SPDYE3: variants seen among roughly 807,000 people sequenced by gnomAD.
The protein encoded by SPDYE3 is speedy protein E3.
A neutral mutation model predicts 55.0 loss-of-function variants in SPDYE3; 15 were observed. The ratio of observed to expected loss-of-function variants is 0.27; its 90% confidence interval spans 0.18 to 0.42. The LOEUF (loss-of-function observed/expected upper bound fraction) is 0.42, where lower values mean the gene tolerates loss of function less well. Ranked by LOEUF, SPDYE3 falls within the 10% of genes least tolerant of loss-of-function variation. SPDYE3 has a pLI of 1.00. For synonymous variants in SPDYE3, 89 were observed against 229.9 expected, an observed-to-expected ratio of 0.39 and a Z score of 5.55; for missense variants, 236 against 576.7, an observed-to-expected ratio of 0.41 and a Z score of 6.05.
Position 100,319,733 on chromosome 7 carries a change from G to T in SPDYE3, c.1515G>T (p.Leu505Phe). 6.2e-7 allele frequency: 1 copy of T among 1,614,200 alleles called. No homozygotes were observed. Among genetic ancestry groups the T allele is most frequent in the East Asian group, 2.2e-5 (1 of 44,882 alleles). ...RARKNCSQIA[L>F]FQKRRFQFFC... ...GGAAGAACTGCTCTCAGATAGCCTT[G>T]TTCCAGAAGCGTCGGTTCCAGTTCT... is the stretch of plus-strand genomic sequence containing the variant. The change falls in exon 9 of 11, where the codon TTG (leucine) becomes TTT (phenylalanine). Residue 505 changes from leucine (L) to phenylalanine (F), a missense_variant. Leu to Phe is a conservative substitution (Grantham distance 22). Transcript: ENST00000332397.
At chr7:100,316,538 T>C (rs1347855452) in intron 7 of SPDYE3, among the ~76,000 whole-genome samples, 1 of 152,166 alleles carries the variant, frequency 6.6e-6, no homozygotes, top group African/African-American at 2.4e-5. Flanking sequence ...TCCTCCTGTC[T>C]CCACCTCTCA....
intron 2 of SPDYE3, among the ~76,000 whole-genome samples, chr7:100,310,024 A>G (rs1805922245): frequency 7.2e-6 from 1 of 138,360 alleles, no homozygotes; most frequent in South Asian, 2.3e-4. Context: ...GGAATCCGGG[A>G]GATAGATGTT....
chr7:100,318,748 A>T (rs1789505487), intron 8 of SPDYE3, among the ~76,000 whole-genome samples: 1 of 144,036 alleles, frequency 6.9e-6, no homozygotes, highest in South Asian at 2.2e-4. Context: ...TTTGAGACAG[A>T]CTTGCCCTGT....
At chr7:100,318,970 G>A (rs1316068510) in intron 8 of SPDYE3, among the ~76,000 whole-genome samples, 1 of 150,970 alleles carries the variant, frequency 6.6e-6, no homozygotes, top group Non-Finnish European at 1.5e-5. Context: ...GGAATGGAGG[G>A]GCCCAATCTT....
intron 6 of SPDYE3, 121 bp from the exon 7 acceptor site, chr7:100,315,664 C>T (rs1806085211): frequency 6.6e-7 from 1 of 1,511,916 alleles, no homozygotes; most frequent in Non-Finnish European, 9.1e-7. Flanking sequence ...CTCCCATCCA[C>T]CTCACCCGCG....
At position 100,309,499 on chromosome 7, in the gene SPDYE3, G is replaced by A. The variant is rs1805908995; in HGVS notation, c.325+307G>A. Among the ~76,000 whole-genome samples the A allele has an allele frequency of 1.4e-5, 2 of 140,034 alleles. 1 individual carries two copies. The highest frequency in any genetic ancestry group is 5.1e-5 in the African/African-American group (2 of 38,858). 91.9% of individuals were successfully genotyped at this position (140,034 alleles called of 152,430 possible). A position where few individuals can be genotyped will look rare whatever the true frequency, so the allele number is the denominator to read the frequency against. On this transcript the variant is annotated intron_variant, in intron 2 of 10. Coordinates refer to ENST00000332397, the MANE Select transcript of SPDYE3 (RefSeq NM_001004351.5). ...TGCTTGAACTCAGGACTTCGAGGCT[G>A]CAGTGAGCTATGACTGCACCACTGC...
At chr7:100,308,853 G>A (rs1805892201) in intron 1 of SPDYE3, 121 bp from the exon 2 acceptor site, 1 of 587,006 alleles carries the variant, frequency 1.7e-6, no homozygotes, top group Non-Finnish European at 3.0e-6. Flanking sequence ...CAGAAAGGTG[G>A]CTTGGAGAAG....
At chr7:100,315,940 C>A in intron 7 of SPDYE3, 97 bp downstream of exon 7, 1 of 1,561,028 alleles carries the variant, frequency 6.4e-7, no homozygotes. Context: ...CACCACCTCC[C>A]ACCAGATGCT....
chr7:100,307,875 T>C lies in SPDYE3; in HGVS notation c.-11T>C, dbSNP rs1349149633. 2 of 1,574,880 alleles carry C rather than the reference T, an allele frequency of 1.3e-6. No individual in the cohort carries two copies. The highest frequency in any genetic ancestry group is 2.3e-5 in the East Asian group (1 of 43,898). ...AGCTTCGGTGAGATTGGACAGATTTTGGGAAAGATCATGACGAGCCATCAA... is the reference window on the plus strand; with the variant it reads ...AGCTTCGGTGAGATTGGACAGATTTCGGGAAAGATCATGACGAGCCATCAA... On this transcript the variant is annotated 5_prime_UTR_variant, in exon 1 of 11. Transcript: ENST00000332397.
chr7:100,320,978 T>C lies in SPDYE3; in HGVS notation c.*133T>C. 1 of 1,206,682 alleles carries C rather than the reference T, an allele frequency of 8.3e-7. No homozygotes were observed. The highest frequency in any genetic ancestry group is 1.2e-5 in the South Asian group (1 of 84,898). 74.7% of individuals were successfully genotyped at this position (1,206,682 alleles called of 1,614,324 possible). A position where few individuals can be genotyped will look rare whatever the true frequency, so the allele number is the denominator to read the frequency against. On this transcript the variant is annotated 3_prime_UTR_variant, in exon 11 of 11. Transcript: ENST00000332397. ...ACATCAGGAAGGAGGAGAGGAGCCA[T>C]TTGTGCAGATCATCTAGAAGAACCT...
intron 4 of SPDYE3, among the ~76,000 whole-genome samples, chr7:100,312,234 G>A (rs1456033269): frequency 1.4e-5 from 2 of 140,130 alleles, no homozygotes; most frequent in Admixed American, 7.1e-5. Flanking sequence ...ACGTTGGGAG[G>A]CTGAGGCAAG....
At chr7:100,309,577 T>C (rs1327856856) in intron 2 of SPDYE3, among the ~76,000 whole-genome samples, 1 of 138,078 alleles carries the variant, frequency 7.2e-6, no homozygotes, top group African/African-American at 2.6e-5. Context: ...AAACCAAGGC[T>C]GGGCACAGTA....
At chr7:100,320,677 T>G (rs1215235584) in intron 10 of SPDYE3, 3 of 1,072,106 alleles carry the variant, frequency 2.8e-6, no homozygotes, top group Non-Finnish European at 3.5e-6. Context: ...GGGCTGACCT[T>G]GGGTGTATTA....
Position 100,319,699 on chromosome 7 carries a change from C to T in SPDYE3, c.1481C>T (p.Pro494Leu), listed in dbSNP as rs779064773. The T allele has an allele frequency of 1.7e-5, 28 of 1,614,084 alleles. 1 individual carries two copies. Among genetic ancestry groups the T allele is most frequent in the East Asian group, 1.1e-4 (5 of 44,894 alleles). ...HWFQLCRPMN[P>L]RARKNCSQIA... ...TTCCAGTTATGCCGTCCCATGAACC[C>T]GAGGGCCAGGAAGAACTGCTCTCAG... The change falls in exon 9 of 11, where the codon CCG becomes CTG. Residue 494 changes from proline to leucine, a missense_variant. By Grantham distance (98) the Pro-to-Leu change is moderately conservative. Coordinates refer to ENST00000332397, the MANE Select transcript of SPDYE3 (RefSeq NM_001004351.5).
chr7:100,316,399 C>T (rs1278920467), intron 7 of SPDYE3, among the ~76,000 whole-genome samples: 1 of 152,196 alleles, frequency 6.6e-6, no homozygotes, highest in African/African-American at 2.4e-5. Flanking sequence ...AAGCAATCCT[C>T]TTTCCTTAGC....
chr7:100,320,437 G>A (rs1789554493), intron 10 of SPDYE3: 1 of 1,045,620 alleles, frequency 9.6e-7, no homozygotes, highest in Non-Finnish European at 1.2e-6. Context: ...TAACCATGTT[G>A]AGCACAGAGC....
At chr7:100,308,602 G>C (rs1319664550) in intron 1 of SPDYE3, among the ~76,000 whole-genome samples, 5 of 151,880 alleles carry the variant, frequency 3.3e-5, no homozygotes, top group African/African-American at 1.2e-4. Context: ...CCAGCTACCT[G>C]AGAGGCTGAG....
At chr7:100,318,138 C>T (rs1258113354) in intron 8 of SPDYE3, among the ~76,000 whole-genome samples, 1 of 152,094 alleles carries the variant, frequency 6.6e-6, no homozygotes, top group Non-Finnish European at 1.5e-5. Context: ...CAAAAGCCAC[C>T]AACCTCCTCT....
chr7:100,320,858 C>G, intron 10 of SPDYE3, 33 bp from the exon 11 acceptor site: 3 of 1,203,826 alleles, frequency 2.5e-6, no homozygotes, highest in Non-Finnish European at 3.4e-6. Context: ...GAGCTGTCTC[C>G]TTGAGGTGTG....
Sources: allele counts gnomAD v4.1 joint callset (sites outside exome capture counted in the v4.1 genomes callset), GRCh38; gene constraint gnomAD v4.1.1; transcripts MANE v1.5; gene names NCBI Gene and HGNC (gene_info 2026-07-23, HGNC 2026-07-21).